Variants in PDE7B observed in about 807,000 individuals in gnomAD.
PDE7B encodes phosphodiesterase 7B.
Under a neutral mutation model 56.2 loss-of-function variants are expected in PDE7B, and 29 were observed. The ratio of observed to expected loss-of-function variants is 0.52; its 90% CI spans 0.38 to 0.70. The LOEUF is 0.70. Ranked by LOEUF, PDE7B falls within the 30% of genes least tolerant of loss-of-function variation. The pLI, the probability that PDE7B is intolerant of heterozygous loss-of-function variation, is 0.00. For synonymous variants in PDE7B, 197 were observed against 196.9 expected (o/e 1.00, Z 0.00); for missense variants, 490 against 565.0 (o/e 0.87, Z 1.35).
chr6:136,036,419 C>G (rs1190331324), intron 2 of PDE7B, among the ~76,000 whole-genome samples: 2 of 152,190 alleles, frequency 1.3e-5, no homozygotes, highest in African/African-American at 4.8e-5. Context: ...CCCTCTTGCC[C>G]CTTCTTCACC....
chr6:136,085,180 C>T (rs935931950), intron 2 of PDE7B, among the ~76,000 whole-genome samples: 2 of 152,228 alleles, frequency 1.3e-5, no homozygotes, highest in Non-Finnish European at 2.9e-5. Context: ...AAAGTGGTAA[C>T]TGGCTCACCA....
At chr6:136,110,967 A>T (rs1327838372) in intron 3 of PDE7B, 2 of 150,476 alleles carry the variant, frequency 1.3e-5, no homozygotes, top group Non-Finnish European at 3.0e-5. Context: ...CTGCCCCTCT[A>T]CCCCCATTTC....
intron 1 of PDE7B, among the ~76,000 whole-genome samples, chr6:135,876,136 G>A (rs546243447): frequency 4.0e-4 from 61 of 152,318 alleles, no homozygotes; most frequent in African/African-American, 1.4e-3. Flanking sequence ...TCAAGTAGCA[G>A]TGCAGCCAGG....
intron 2 of PDE7B, among the ~76,000 whole-genome samples, chr6:136,028,973 T>C (rs1776195031): frequency 6.6e-6 from 1 of 152,220 alleles, no homozygotes; most frequent in Non-Finnish European, 1.5e-5. Flanking sequence ...ACAGAAATTT[T>C]GCATATTCAA....
chr6:136,183,139 A>G lies in PDE7B; in HGVS notation c.1045+1816A>G, dbSNP rs929509774. 3.3e-5 allele frequency among the ~76,000 whole-genome samples: 5 copies of G among 151,944 alleles called. No homozygotes were observed. The South Asian group carries it at 6.2e-4, about 19-fold the overall frequency. On this transcript the variant is annotated intron_variant, in intron 11 of 12. Transcript: ENST00000308191. ...TGTCCTAGTAATATATGCATGCATTATAAGATGGAAAAACCTAGAACATTT... is the reference window on the plus strand; with the variant it reads ...TGTCCTAGTAATATATGCATGCATTGTAAGATGGAAAAACCTAGAACATTT...
In PDE7B at chr6:136,195,560, T is replaced by C. The variant is rs1050487274; in HGVS notation, c.*3720T>C. The C allele has an allele frequency of 6.6e-6, 1 of 151,672 alleles. No individual in the cohort carries two copies. The highest frequency in any genetic ancestry group is 1.5e-5 in the Non-Finnish European group (1 of 68,026). 9.4% of individuals were successfully genotyped at this position (151,672 alleles called of 1,614,324 possible). ...ATGAACAAATAAAAATAAAGATAAT[T>C]TCTTTAAAATATCACAAGATGAAAA... On this transcript the variant is annotated 3_prime_UTR_variant, in exon 13 of 13. Transcript: ENST00000308191.
At chr6:136,055,053 G>A (rs953718590) in intron 2 of PDE7B, among the ~76,000 whole-genome samples, 1 of 152,190 alleles carries the variant, frequency 6.6e-6, no homozygotes, top group Non-Finnish European at 1.5e-5. Context: ...GTCTTTCATT[G>A]TGAGGGTCTG....
At chr6:135,886,732 G>GTA (rs1461839821) in intron 1 of PDE7B, among the ~76,000 whole-genome samples, 2 of 152,116 alleles carry the variant, frequency 1.3e-5, no homozygotes, top group African/African-American at 4.8e-5. Flanking sequence ...ATTCCATAGT[G>GTA]TATATATACT....
chr6:135,870,755 T>C (rs928820485), intron 1 of PDE7B, among the ~76,000 whole-genome samples: 2 of 151,710 alleles, frequency 1.3e-5, no homozygotes, highest in African/African-American at 4.8e-5. Flanking sequence ...AGAAGAGAGA[T>C]GAAAACTGAA....
chr6:136,169,311 A>T (rs1464893740), intron 8 of PDE7B, among the ~76,000 whole-genome samples: 3 of 152,098 alleles, frequency 2.0e-5, no homozygotes, highest in African/African-American at 7.2e-5. Context: ...TTCATGCATA[A>T]TGACTCTTCC....
At chr6:136,190,355 A>G (rs1779204122) in intron 12 of PDE7B, among the ~76,000 whole-genome samples, 1 of 152,216 alleles carries the variant, frequency 6.6e-6, no homozygotes, top group African/African-American at 2.4e-5. Flanking sequence ...AAGATGAGAC[A>G]ATGCAGAAAT....
chr6:136,149,056 T>G, intron 4 of PDE7B, 31 bp from the exon 5 acceptor site: 1 of 1,526,912 alleles, frequency 6.5e-7, no homozygotes. Flanking sequence ...GTGTGATTCA[T>G]TTGCGTGCTG....
rs139489683 is a variant in PDE7B, at chr6:135,944,820, T to C, written c.22-2644T>C. Among the ~76,000 whole-genome samples the C allele has an allele frequency of 2.5e-3, 387 of 152,306 alleles. 1 individual carries two copies. The highest frequency in any genetic ancestry group is 8.8e-3 in the African/African-American group (364 of 41,572). ...GGGCTATGATAGCAAAGAGAAGTTA[T>C]GCAACCTCAACCCATCAACCCCTGC... On this transcript the variant is annotated intron_variant, in intron 1 of 12. Transcript: ENST00000308191.
Position 136,147,523 on chromosome 6 carries a change from C to A in PDE7B, c.318+21C>A, listed in dbSNP as rs776042631. The A allele has an allele frequency of 5.0e-6, 8 of 1,610,666 alleles. No homozygotes were observed. In the Admixed American group the frequency reaches 8.3e-5, roughly 17 times the overall value. On this transcript the variant is annotated intron_variant, in intron 4 of 12. Coordinates refer to ENST00000308191, the MANE Select transcript of PDE7B (RefSeq NM_018945.4). ...CAAGGGTAAGCTGACTGCCCCATCT[C>A]CTCACAGCAGGCCAGTGGCCAAGAG...
intron 12 of PDE7B, among the ~76,000 whole-genome samples, chr6:136,187,998 G>A (rs868667922): frequency 3.2e-4 from 49 of 152,262 alleles, no homozygotes; most frequent in Middle Eastern, 3.4e-3. Flanking sequence ...ACAGCTGAAC[G>A]CATTCACAGT....
intron 1 of PDE7B, among the ~76,000 whole-genome samples, chr6:135,934,338 G>A (rs975415819): frequency 7.9e-5 from 12 of 151,986 alleles, no homozygotes; most frequent in African/African-American, 2.9e-4. Flanking sequence ...CCATTTACAG[G>A]ATACGTACTC....
chr6:136,095,891 G>C (rs566831458), intron 2 of PDE7B: 1 of 152,134 alleles, frequency 6.6e-6, no homozygotes, highest in Admixed American at 6.5e-5. Context: ...CACACTCAAG[G>C]TTCAATAAAT....
chr6:135,905,265 T>G (rs977000835), intron 1 of PDE7B, among the ~76,000 whole-genome samples: 2 of 152,204 alleles, frequency 1.3e-5, no homozygotes, highest in Non-Finnish European at 1.5e-5. Flanking sequence ...TTTTATTTTA[T>G]TTTTTGGTAA....
At chr6:135,953,922 C>T (rs890817060) in intron 2 of PDE7B, among the ~76,000 whole-genome samples, 2 of 152,160 alleles carry the variant, frequency 1.3e-5, no homozygotes, top group Non-Finnish European at 2.9e-5. Flanking sequence ...CTTACACTTT[C>T]AAAGCTCTTC....
Sources: gnomAD v4.1 joint callset for allele counts (sites outside exome capture counted in the v4.1 genomes callset) on GRCh38, gnomAD v4.1.1 for gene constraint, MANE v1.5 for transcripts, NCBI Gene and HGNC (gene_info 2026-07-23, HGNC 2026-07-21) for gene names.